Variants in TMEM182 observed in about 807,000 individuals in gnomAD.
TMEM182 encodes transmembrane protein 182.
In TMEM182, 20 loss-of-function variants were observed where a neutral mutation model predicts 26.8. The ratio of observed to expected loss-of-function variants is 0.75; its 90% CI spans 0.53 to 1.09. The LOEUF is 1.09. Among genes scored for constraint, TMEM182 ranks in the 50% least tolerant of loss-of-function variants. TMEM182 has a pLI of 0.00. For synonymous variants in TMEM182, 109 were observed against 102.2 expected (o/e 1.07, Z -0.40); for missense variants, 277 against 275.5 (o/e 1.01, Z -0.04).
At chr2:102,822,487 AGGTGGTTGG>A (rs1239235121), downstream of TMEM182, among the ~76,000 whole-genome samples, 1 of 152,138 alleles carries the variant, frequency 6.6e-6, no homozygotes, top group Non-Finnish European at 1.5e-5. Flanking sequence ...GGAAGTGTGG[AGGTGGTTGG>A]TGATGGTGAC....
chr2:102,745,273 A>G (rs919412602), intron 1 of TMEM182, among the ~76,000 whole-genome samples: 1 of 151,954 alleles, frequency 6.6e-6, no homozygotes, highest in Non-Finnish European at 1.5e-5. Context: ...TTACATTTGA[A>G]TCTTTCTTAG....
intron 3 of TMEM182, among the ~76,000 whole-genome samples, chr2:102,789,819 G>A (rs553690022): frequency 1.9e-4 from 29 of 152,016 alleles, no homozygotes; most frequent in African/African-American, 6.8e-4. Context: ...ACTTTTCCAG[G>A]TTCCCCATTT....
At chr2:102,795,965 G>T (rs946013156) in intron 3 of TMEM182, among the ~76,000 whole-genome samples, 1 of 152,062 alleles carries the variant, frequency 6.6e-6, no homozygotes, top group African/African-American at 2.4e-5. Context: ...CTATCTAGAG[G>T]GTTGGGTCAT....
intron 1 of TMEM182, among the ~76,000 whole-genome samples, chr2:102,744,728 G>A (rs994925281): frequency 6.6e-6 from 1 of 151,934 alleles, no homozygotes; most frequent in Non-Finnish European, 1.5e-5. Context: ...TTCGCTTATT[G>A]TCTTCATCCT....
At chr2:102,796,311 T>C (rs1405581335) in intron 3 of TMEM182, among the ~76,000 whole-genome samples, 1 of 152,240 alleles carries the variant, frequency 6.6e-6, no homozygotes, top group Admixed American at 6.5e-5. Context: ...TCAGTCCTTA[T>C]ATGGTTGCTT....
chr2:102,804,772 G>A (rs2104741925), intron 4 of TMEM182, among the ~76,000 whole-genome samples: 2 of 152,314 alleles, frequency 1.3e-5, no homozygotes, highest in Middle Eastern at 3.4e-3. Context: ...TAAACTATTT[G>A]TTACTGATAT....
At chr2:102,754,110 A>G (rs1327785616) in intron 1 of TMEM182, among the ~76,000 whole-genome samples, 1 of 152,114 alleles carries the variant, frequency 6.6e-6, no homozygotes, top group Non-Finnish European at 1.5e-5. Flanking sequence ...TGTTTCAATA[A>G]TTATCATAGG....
At chr2:102,773,156 TA>T (rs1680751876) in intron 3 of TMEM182, among the ~76,000 whole-genome samples, 1 of 152,030 alleles carries the variant, frequency 6.6e-6, no homozygotes, top group Non-Finnish European at 1.5e-5. Context: ...TTTGAGCACA[TA>T]CTATATGCCA....
intron 3 of TMEM182, among the ~76,000 whole-genome samples, chr2:102,766,850 A>G (rs1317928598): frequency 1.3e-5 from 2 of 152,230 alleles, no homozygotes; most frequent in African/African-American, 4.8e-5. Context: ...AGTTTTTACA[A>G]TTGCAGTTAG....
intron 3 of TMEM182, among the ~76,000 whole-genome samples, chr2:102,837,540 G>T (rs1558796248): frequency 6.8e-6 from 1 of 146,208 alleles, no homozygotes; most frequent in Admixed American, 6.9e-5. Flanking sequence ...TGCTGTGGGG[G>T]GTTCGGGGGG....
chr2:102,764,503 T>A (rs1243756516), intron 3 of TMEM182, 76 bp downstream of exon 3: 2 of 1,205,220 alleles, frequency 1.7e-6, no homozygotes, highest in Admixed American at 2.3e-5. Flanking sequence ...AAAATTGTTG[T>A]GAGCAATTAA....
At chr2:102,758,449 A>G (rs1680110409), upstream of TMEM182, 3 of 716,858 alleles carry the variant, frequency 4.2e-6, no homozygotes, top group East Asian at 8.0e-5. Context: ...TCTGAAGAAA[A>G]AAGACACCTT....
chr2:102,827,190 A>C (rs1456515262), intron 3 of TMEM182, among the ~76,000 whole-genome samples: 6 of 152,234 alleles, frequency 3.9e-5, no homozygotes, highest in Non-Finnish European at 8.8e-5. Context: ...ACTGAGCTAA[A>C]CAGAAATCAA....
At chr2:102,810,226 C>T (rs1297126517) in intron 4 of TMEM182, among the ~76,000 whole-genome samples, 2 of 152,020 alleles carry the variant, frequency 1.3e-5, no homozygotes, top group Non-Finnish European at 2.9e-5. Context: ...TTTCATTTCT[C>T]GGGCTAAATT....
intron 1 of TMEM182, among the ~76,000 whole-genome samples, chr2:102,741,624 G>A (rs1323393327): frequency 6.6e-6 from 1 of 152,096 alleles, no homozygotes; most frequent in East Asian, 1.9e-4. Flanking sequence ...TGTTTTTAAA[G>A]GTTAAACCCC....
intron 3 of TMEM182, among the ~76,000 whole-genome samples, chr2:102,770,664 T>C (rs1680635552): frequency 6.6e-6 from 1 of 152,076 alleles, no homozygotes; most frequent in Admixed American, 6.6e-5. Context: ...ATGATGGGAA[T>C]GTGAAACCGC....
chr2:102,781,781 T>A (rs1681175685), intron 3 of TMEM182, among the ~76,000 whole-genome samples: 1 of 152,168 alleles, frequency 6.6e-6, no homozygotes. Context: ...TAGAAAAACA[T>A]TTGACGTAAG....
chr2:102,745,049 T>A (rs929532101), intron 1 of TMEM182, among the ~76,000 whole-genome samples: 1 of 152,114 alleles, frequency 6.6e-6, no homozygotes, highest in African/African-American at 2.4e-5. Context: ...ACACATTGGT[T>A]AGACCATTTG....
chr2:102,776,957 G>A (rs145369343), intron 3 of TMEM182, among the ~76,000 whole-genome samples: 118 of 151,962 alleles, frequency 7.8e-4, no homozygotes, highest in African/African-American at 2.5e-3. Context: ...CTTTTGTGAG[G>A]CTTCTGTTAA....
Sources: allele counts gnomAD v4.1 joint callset (sites outside exome capture counted in the v4.1 genomes callset), GRCh38; gene constraint gnomAD v4.1.1; transcripts MANE v1.5; gene names NCBI Gene and HGNC (gene_info 2026-07-23, HGNC 2026-07-21).